TRAPPC9: variants seen among roughly 807,000 people sequenced by gnomAD.
The protein encoded by TRAPPC9 is IKK2 binding protein.
TRAPPC9 carries 83 observed loss-of-function variants against 124.0 expected under a neutral mutation model. That is an observed-to-expected ratio of 0.67 (90% CI 0.56 to 0.80). The LOEUF (loss-of-function observed/expected upper bound fraction) is 0.80, where lower values mean the gene tolerates loss of function less well. TRAPPC9 is among the 30% of genes least tolerant of loss of function. The pLI is 0.00. For synonymous variants in TRAPPC9, 638 were observed against 617.5 expected (o/e 1.03, Z -0.49); for missense variants, 1,302 against 1,508.3 (o/e 0.86, Z 2.27).
At chr8:140,015,931 C>A (rs977267106) in intron 18 of TRAPPC9, among the ~76,000 whole-genome samples, 1 of 152,230 alleles carries the variant, frequency 6.6e-6, no homozygotes, top group South Asian at 2.1e-4. Context: ...TGGGGCAAGG[C>A]GCTAGGTCCT....
At chr8:139,927,756 A>G (rs1225290007) in intron 19 of TRAPPC9, among the ~76,000 whole-genome samples, 1 of 152,228 alleles carries the variant, frequency 6.6e-6, no homozygotes, top group East Asian at 1.9e-4. Flanking sequence ...ATACTTTAAG[A>G]ATGAAATACT....
At chr8:140,167,630 T>A (rs1049658755) in intron 17 of TRAPPC9, among the ~76,000 whole-genome samples, 9 of 152,176 alleles carry the variant, frequency 5.9e-5, no homozygotes, top group Non-Finnish European at 2.9e-5. Flanking sequence ...TGAAGGTATG[T>A]GAATGGGAAT....
intron 21 of TRAPPC9, among the ~76,000 whole-genome samples, chr8:139,864,994 A>T (rs1047654535): frequency 6.6e-6 from 1 of 152,196 alleles, no homozygotes; most frequent in African/African-American, 2.4e-5. Flanking sequence ...GGAACTAAGA[A>T]TCCCACAGAG....
intron 19 of TRAPPC9, among the ~76,000 whole-genome samples, chr8:139,981,217 G>T (rs1386285388): frequency 6.6e-6 from 1 of 152,186 alleles, no homozygotes; most frequent in Non-Finnish European, 1.5e-5. Flanking sequence ...GCCAGTGGGG[G>T]TTGCAGAGAC....
intron 16 of TRAPPC9, among the ~76,000 whole-genome samples, chr8:140,245,764 C>G (rs1056709145): frequency 6.6e-6 from 1 of 152,174 alleles, no homozygotes; most frequent in Non-Finnish European, 1.5e-5. Flanking sequence ...CAGTTAGAGC[C>G]AGAGCGCTGA....
intron 17 of TRAPPC9, among the ~76,000 whole-genome samples, chr8:140,101,597 C>T (rs1252197696): frequency 1.7e-5 from 2 of 121,010 alleles, no homozygotes; most frequent in Non-Finnish European, 3.1e-5. Flanking sequence ...GGCTGGAGTG[C>T]AATGGTGCAA....
At chr8:140,204,130 T>A (rs2062862127) in intron 17 of TRAPPC9, among the ~76,000 whole-genome samples, 1 of 152,126 alleles carries the variant, frequency 6.6e-6, no homozygotes, top group Admixed American at 6.6e-5. Context: ...CCCACAGTAA[T>A]GAGTGAGTTC....
chr8:140,342,186 G>T (rs1277914197), intron 9 of TRAPPC9, among the ~76,000 whole-genome samples: 1 of 152,144 alleles, frequency 6.6e-6, no homozygotes, highest in Non-Finnish European at 1.5e-5. Context: ...GCTGGGGAGA[G>T]GACACCACCT....
intron 19 of TRAPPC9, among the ~76,000 whole-genome samples, chr8:139,986,844 T>C (rs1212441432): frequency 6.6e-6 from 1 of 152,218 alleles, no homozygotes. Flanking sequence ...AAAATTACCT[T>C]ATGCCCTTTC....
intron 19 of TRAPPC9, among the ~76,000 whole-genome samples, chr8:139,977,380 G>C (rs1001557270): frequency 1.3e-5 from 2 of 151,926 alleles, no homozygotes; most frequent in Non-Finnish European, 2.9e-5. Context: ...CCAGCACTTT[G>C]GGAGGCCGAG....
chr8:140,275,730 T>C lies in TRAPPC9; in HGVS notation c.2206A>G (p.Ile736Val). 2 of 1,614,074 alleles carry C rather than the reference T, an allele frequency of 1.2e-6. No individual in the cohort carries two copies. The highest frequency in any genetic ancestry group is 1.7e-6 in the Non-Finnish European group (2 of 1,179,912). The change falls in exon 15 of 23, where the codon ATT (isoleucine) becomes GTT (valine). Residue 736 changes from isoleucine to valine, a missense_variant. By Grantham distance (29) the Ile-to-Val change is conservative. This residue lies in a region of TRAPPC9 where 640 missense variants were observed against 679.3 expected (regional missense o/e 0.94). Coordinates refer to ENST00000438773, the MANE Select transcript of TRAPPC9 (RefSeq NM_001160372.4). ...TCCATTCCAATATTTTCCAATTTAA[T>C]GATTAGTTGCTGACTTTCTCCATTG... ...LYNGESQQLIIKLENIGMEPL... is the reference protein window; with the variant it reads ...LYNGESQQLIVKLENIGMEPL...
chr8:139,743,932 G>A (rs1436859375), intron 21 of TRAPPC9, among the ~76,000 whole-genome samples: 1 of 152,210 alleles, frequency 6.6e-6, no homozygotes, highest in African/African-American at 2.4e-5. Context: ...CTGTTAGGAA[G>A]CTCAGAACTA....
chr8:140,419,885 C>CA (rs376326179), intron 5 of TRAPPC9, among the ~76,000 whole-genome samples: 51 of 143,228 alleles, frequency 3.6e-4, no homozygotes, highest in East Asian at 3.0e-3. Context: ...GACTCCGTCT[C>CA]AAAAAAAAAA....
At chr8:140,375,700 G>A (rs2068418557) in intron 7 of TRAPPC9, among the ~76,000 whole-genome samples, 3 of 152,232 alleles carry the variant, frequency 2.0e-5, no homozygotes, top group Non-Finnish European at 4.4e-5. Context: ...AAATATCACT[G>A]TTAGTTAATG....
chr8:139,822,400 G>A (rs961878681), intron 21 of TRAPPC9, among the ~76,000 whole-genome samples: 3 of 152,276 alleles, frequency 2.0e-5, no homozygotes, highest in East Asian at 1.9e-4. Context: ...CATGTGCTCC[G>A]AGAGAACAAT....
intron 21 of TRAPPC9, among the ~76,000 whole-genome samples, chr8:139,852,079 G>C (rs1218368808): frequency 6.6e-6 from 1 of 152,184 alleles, no homozygotes; most frequent in Non-Finnish European, 1.5e-5. Context: ...CTGTTCTCGT[G>C]ATAGTGAGTA....
chr8:139,795,208 G>A (rs1822968144), intron 21 of TRAPPC9, among the ~76,000 whole-genome samples: 1 of 152,118 alleles, frequency 6.6e-6, no homozygotes, highest in Non-Finnish European at 1.5e-5. Context: ...CCTGGCTCCA[G>A]CACAGAGCCT....
intron 17 of TRAPPC9, among the ~76,000 whole-genome samples, chr8:140,168,126 T>A (rs976528488): frequency 6.6e-6 from 1 of 152,246 alleles, no homozygotes; most frequent in Non-Finnish European, 1.5e-5. Flanking sequence ...CGAGATGCAC[T>A]GACAATGAGG....
intron 21 of TRAPPC9, among the ~76,000 whole-genome samples, chr8:139,752,882 A>C (rs546759873): frequency 7.4e-6 from 1 of 135,604 alleles, no homozygotes; most frequent in East Asian, 2.4e-4. Context: ...TACCCATCCA[A>C]CCATCCATCC....
Sources: allele counts gnomAD v4.1 joint callset (sites outside exome capture counted in the v4.1 genomes callset), GRCh38; gene constraint gnomAD v4.1.1; regional missense constraint gnomAD v4.1.1; transcripts MANE v1.5; gene names NCBI Gene and HGNC (gene_info 2026-07-23, HGNC 2026-07-21).